The following CDH20 variants were observed in gnomAD, a reference collection of about 807,000 sequenced individuals.
CDH20 encodes the protein cadherin-20.
A neutral mutation model predicts 74.2 loss-of-function variants in CDH20; 29 were observed. That is an observed-to-expected ratio of 0.39 (90% CI 0.29 to 0.53). The LOEUF is 0.53. CDH20 is among the 20% of genes least tolerant of loss of function. CDH20 has a pLI of 0.69. For synonymous variants in CDH20, 469 were observed against 405.4 expected (o/e 1.16, Z -1.88); for missense variants, 988 against 1,048.3 (o/e 0.94, Z 0.79).
intron 1 of CDH20, among the ~76,000 whole-genome samples, chr18:61,483,583 T>G (rs1910662028): frequency 6.6e-6 from 1 of 152,246 alleles, no homozygotes; most frequent in Non-Finnish European, 1.5e-5. Flanking sequence ...AATAATGGTA[T>G]GTATACCTAT....
At chr18:61,371,217 C>T (rs1025684729) in intron 1 of CDH20, among the ~76,000 whole-genome samples, 6 of 152,088 alleles carry the variant, frequency 3.9e-5, no homozygotes, top group African/African-American at 1.4e-4. Flanking sequence ...ACTTCTCATT[C>T]ATCAGAGCGC....
rs531335076 is a variant in CDH20 at position 61,478,885 on chromosome 18, C to T, written c.-152-11517C>T. Among the ~76,000 whole-genome samples, 3 of 152,100 alleles carry T rather than the reference C, an allele frequency of 2.0e-5. No homozygotes were observed. The East Asian group carries it at 5.8e-4, about 29-fold the overall frequency. On this transcript the variant is annotated intron_variant, in intron 1 of 11. Transcript: ENST00000262717. Reference sequence around the variant, plus strand: ...GAGCATAGTTCTGAAAATCTCTGTACTAAAGTATTTCCACTTCCTTGATCC... The same window carrying T: ...GAGCATAGTTCTGAAAATCTCTGTATTAAAGTATTTCCACTTCCTTGATCC...
chr18:61,475,069 C>T (rs1910320227), intron 1 of CDH20, among the ~76,000 whole-genome samples: 2 of 151,756 alleles, frequency 1.3e-5, no homozygotes, highest in African/African-American at 2.4e-5. Context: ...CCATTAGAGA[C>T]GTTTAGCAGG....
At chr18:61,477,220 G>A (rs1420233679) in intron 1 of CDH20, among the ~76,000 whole-genome samples, 2 of 152,136 alleles carry the variant, frequency 1.3e-5, no homozygotes, top group Non-Finnish European at 1.5e-5. Context: ...ATGGTCTGTT[G>A]GAGAGATCCA....
intron 1 of CDH20, among the ~76,000 whole-genome samples, chr18:61,440,900 ACT>A (rs1473006531): frequency 6.6e-6 from 1 of 151,940 alleles, no homozygotes; most frequent in African/African-American, 2.4e-5. Flanking sequence ...AAGGGAGCAG[ACT>A]CTCTACCTCT....
chr18:61,434,768 T>C (rs1217101942), intron 1 of CDH20, among the ~76,000 whole-genome samples: 2 of 152,192 alleles, frequency 1.3e-5, no homozygotes, highest in African/African-American at 2.4e-5. Context: ...GAGGTAAGGC[T>C]GATGATTAGT....
chr18:61,455,234 C>T (rs747721344), intron 1 of CDH20, among the ~76,000 whole-genome samples: 2 of 152,118 alleles, frequency 1.3e-5, no homozygotes, highest in Non-Finnish European at 2.9e-5. Context: ...GACTAAAGAG[C>T]TGGGACAACT....
chr18:61,520,629 G>A (rs917426002), intron 6 of CDH20, among the ~76,000 whole-genome samples: 1 of 150,764 alleles, frequency 6.6e-6, no homozygotes, highest in Non-Finnish European at 1.5e-5. Flanking sequence ...AAAATCAACA[G>A]AATATACATT....
intron 1 of CDH20, among the ~76,000 whole-genome samples, chr18:61,445,156 A>G (rs1167110499): frequency 1.3e-5 from 2 of 152,028 alleles, no homozygotes; most frequent in Non-Finnish European, 2.9e-5. Flanking sequence ...AGCCATAATA[A>G]GTTTAGAGTT....
intron 1 of CDH20, among the ~76,000 whole-genome samples, chr18:61,338,021 A>G (rs1156783479): frequency 2.6e-5 from 4 of 152,248 alleles, no homozygotes; most frequent in African/African-American, 9.6e-5. Context: ...TCTCATAAAG[A>G]GAAATACTTA....
intron 7 of CDH20, among the ~76,000 whole-genome samples, chr18:61,534,047 C>T (rs890561252): frequency 6.6e-6 from 1 of 151,972 alleles, no homozygotes; most frequent in Non-Finnish European, 1.5e-5. Flanking sequence ...AAAATTAGGA[C>T]AAATGACCCT....
At chr18:61,347,542 A>AC (rs1450629238) in intron 1 of CDH20, among the ~76,000 whole-genome samples, 1 of 149,296 alleles carries the variant, frequency 6.7e-6, no homozygotes, top group African/African-American at 2.5e-5. Context: ...AAACAAACAA[A>AC]AAAAAAACCA....
chr18:61,361,025 A>G (rs1454144037), intron 1 of CDH20, among the ~76,000 whole-genome samples: 1 of 152,256 alleles, frequency 6.6e-6, no homozygotes. Context: ...TCTTGGTACT[A>G]TATCATTAAG....
In CDH20 at chr18:61,423,291, G is replaced by T. The variant is rs972644466; in HGVS notation, c.-152-67111G>T. On this transcript the variant is annotated intron_variant, in intron 1 of 11. Transcript: ENST00000262717. ...TCTCAGGGTCTCTCTTTTCAGCTAG[G>T]GCAGCCCCCATCAGAGCACTCAGTG... Among the ~76,000 whole-genome samples the T allele has an allele frequency of 1.2e-4, 18 of 152,262 alleles. 1 individual carries two copies. In the Middle Eastern group the frequency reaches 0.014, roughly 115 times the overall value.
chr18:61,527,366 A>ATAGATAGATAG (rs1555683341), intron 6 of CDH20, among the ~76,000 whole-genome samples: 448 of 142,148 alleles, frequency 3.2e-3, no homozygotes, highest in African/African-American at 0.011. Flanking sequence ...TGAATATTCT[A>ATAGATAGATAG]ATAGATAGAT....
At chr18:61,449,230 A>T (rs1909301315) in intron 1 of CDH20, among the ~76,000 whole-genome samples, 1 of 152,152 alleles carries the variant, frequency 6.6e-6, no homozygotes, top group Non-Finnish European at 1.5e-5. Context: ...CATAAAATTG[A>T]AATACAGAAT....
intron 8 of CDH20, among the ~76,000 whole-genome samples, chr18:61,538,592 G>GTTTT (rs1445503985): frequency 1.9e-5 from 1 of 52,888 alleles, no homozygotes; most frequent in African/African-American, 5.7e-5. Context: ...TTGTTTGTTT[G>GTTTT]TTTGTTTTTG....
At chr18:61,354,807 T>C (rs1910443543) in intron 1 of CDH20, among the ~76,000 whole-genome samples, 1 of 152,198 alleles carries the variant, frequency 6.6e-6, no homozygotes. Context: ...AATTCTGTCA[T>C]ATTTTGGGCT....
At chr18:61,334,244 G>A (rs1568098333) in intron 1 of CDH20, 1 of 152,272 alleles carries the variant, frequency 6.6e-6, no homozygotes, top group Admixed American at 6.5e-5. Context: ...CCTGCAGAGG[G>A]GACAGGGTGG....
Sources: gnomAD v4.1 joint callset for allele counts (sites outside exome capture counted in the v4.1 genomes callset) on GRCh38, gnomAD v4.1.1 for gene constraint, MANE v1.5 for transcripts, NCBI Gene and HGNC (gene_info 2026-07-23, HGNC 2026-07-21) for gene names.